COL18A1: variants seen among roughly 807,000 people sequenced by gnomAD.
The protein encoded by COL18A1 is collagen type XVIII alpha 1 chain.
In COL18A1, 133 loss-of-function variants were observed where a neutral mutation model predicts 168.0. The observed-to-expected ratio is 0.79, with a 90% CI of 0.69 to 0.91. COL18A1 has a LOEUF of 0.91. Among genes scored for constraint, COL18A1 ranks in the 40% least tolerant of loss-of-function variants. COL18A1 has a pLI of 0.00. For missense variants in COL18A1, 2,126 were observed against 1,925.4 expected (o/e 1.10, Z -1.95); for synonymous variants, 949 against 809.0 (o/e 1.17, Z -2.94).
At chr21:45,447,834 T>A (rs2034536244) in intron 2 of COL18A1, among the ~76,000 whole-genome samples, 1 of 152,092 alleles carries the variant, frequency 6.6e-6, no homozygotes, top group Non-Finnish European at 1.5e-5. Context: ...CTCAGTGAAC[T>A]TTATCACATC....
chr21:45,509,164 C>T (rs554796782), intron 38 of COL18A1, among the ~76,000 whole-genome samples, 192 bp from the exon 39 acceptor site: 3 of 152,188 alleles, frequency 2.0e-5, no homozygotes, highest in East Asian at 3.9e-4. Flanking sequence ...CGCGATCCGG[C>T]GCCACGGCAG....
At position 45,477,878 on chromosome 21, in the gene COL18A1, A is replaced by T; in HGVS notation, c.1134A>T (p.Ala378=). 5 of 1,557,796 alleles carry T rather than the reference A, an allele frequency of 3.2e-6. No individual in the cohort carries two copies. Among genetic ancestry groups the T allele is most frequent in the Non-Finnish European group, 4.3e-6 (5 of 1,150,722 alleles). The part of the protein sequence containing the change: ...LPCPVSPLGP[A]GPALQTVPGP... ...GCCCAGTGAGTCCCCTGGGTCCTGC[A>T]GGCCCAGCGTTGCAAACTGTCCCCG... The change falls in exon 8 of 42, where the codon GCA becomes GCT. Residue 378 remains alanine, a synonymous_variant. Transcript: ENST00000651438.
chr21:45,456,670 C>T (rs1179422104), intron 2 of COL18A1: 1 of 1,532,868 alleles, frequency 6.5e-7, no homozygotes. Flanking sequence ...TGCAGACGCA[C>T]TGCCACCCCT....
chr21:45,468,931 C>A, intron 3 of COL18A1, 145 bp downstream of exon 3: 1 of 875,290 alleles, frequency 1.1e-6, no homozygotes, highest in Non-Finnish European at 1.7e-6. Context: ...CCAGCGCAGG[C>A]CTCCTGGGTT....
chr21:45,500,412 TGTGTG>T (rs1365883926), intron 32 of COL18A1, among the ~76,000 whole-genome samples: 2 of 108,600 alleles, frequency 1.8e-5, no homozygotes, highest in South Asian at 6.9e-4. Flanking sequence ...GGGTGTTGGG[TGTGTG>T]GTGTGGGGTG....
At position 45,482,149 on chromosome 21, in the gene COL18A1, A is replaced by G. The variant is rs73370812; in HGVS notation, c.1674+124A>G. On this transcript the variant is annotated intron_variant, in intron 14 of 41. Coordinates refer to ENST00000651438, the MANE Select transcript of COL18A1 (RefSeq NM_001379500.1). ...AGGAATAGCCCCCCATCACAGCCCC[A>G]CAGCCTGGGGCCTCGCGCTCTGGAG... 3,361 of 760,754 alleles carry G rather than the reference A, an allele frequency of 4.4e-3. 96 individuals carry two copies. In the African/African-American group the frequency reaches 0.052, roughly 12 times the overall value. 47.1% of individuals were successfully genotyped at this position (760,754 alleles called of 1,614,324 possible).
At chr21:45,489,689 C>A (rs377238823) in intron 19 of COL18A1, among the ~76,000 whole-genome samples, 168 bp downstream of exon 19, 178 of 152,086 alleles carry the variant, frequency 1.2e-3, no homozygotes, top group African/African-American at 4.1e-3. Flanking sequence ...CCAGGATACC[C>A]ACCTGCAGGG....
At chr21:45,428,902 TC>T (rs2033879534) in intron 2 of COL18A1, among the ~76,000 whole-genome samples, 1 of 145,164 alleles carries the variant, frequency 6.9e-6, no homozygotes, top group Non-Finnish European at 1.5e-5. Context: ...TTCTTTCTTT[TC>T]TTTTTTTTTT....
intron 2 of COL18A1, among the ~76,000 whole-genome samples, chr21:45,428,786 ATTCATCCCTT>A (rs928898426): frequency 2.0e-5 from 3 of 152,080 alleles, no homozygotes; most frequent in African/African-American, 7.2e-5. Flanking sequence ...CAGACCCACA[ATTCATCCCTT>A]TTCATGGGTG....
At chr21:45,469,631 C>A (rs1269790090) in intron 3 of COL18A1, among the ~76,000 whole-genome samples, 2 of 152,324 alleles carry the variant, frequency 1.3e-5, no homozygotes, top group Non-Finnish European at 2.9e-5. Flanking sequence ...TTTCTGGGAA[C>A]CTTTGGCTGG....
intron 6 of COL18A1, among the ~76,000 whole-genome samples, chr21:45,477,164 G>A (rs2035705565): frequency 6.6e-6 from 1 of 152,200 alleles, no homozygotes; most frequent in South Asian, 2.1e-4. Flanking sequence ...GCATCTCCCA[G>A]ACTTCAGCTG....
intron 18 of COL18A1, among the ~76,000 whole-genome samples, chr21:45,489,052 A>G (rs1459931448): frequency 6.6e-6 from 1 of 152,186 alleles, no homozygotes; most frequent in Non-Finnish European, 1.5e-5. Context: ...CCAAGGGCGC[A>G]CGGGGCCCAC....
intron 37 of COL18A1, chr21:45,506,293 G>A (rs1047346032): frequency 5.3e-6 from 2 of 378,292 alleles, no homozygotes; most frequent in Admixed American, 3.7e-5. Context: ...GACGGGACGA[G>A]GCGGCAGGGG....
intron 2 of COL18A1, among the ~76,000 whole-genome samples, chr21:45,444,631 G>A (rs982975334): frequency 6.6e-6 from 1 of 152,148 alleles, no homozygotes; most frequent in African/African-American, 2.4e-5. Context: ...CCTGGGTCGT[G>A]CAGGGCGAGA....
intron 2 of COL18A1, 76 bp from the exon 3 acceptor site, chr21:45,468,166 T>C: frequency 6.6e-7 from 1 of 1,515,584 alleles, no homozygotes; most frequent in African/African-American, 1.4e-5. Context: ...CCTGCCTGGC[T>C]GCCTCTCCAG....
chr21:45,513,043 C>T lies in COL18A1; in HGVS notation c.*645C>T, dbSNP rs2146162922. The stretch of plus-strand genomic sequence containing the variant: ...ACTGTGACCCCCAGCTCCGGCCTGT[C>T]CTCCAACACCAAGCACAGCAGCCTG... On this transcript the variant is annotated 3_prime_UTR_variant, in exon 42 of 42. Transcript: ENST00000651438. 1 of 156,668 alleles carries T rather than the reference C, an allele frequency of 6.4e-6. No individual in the cohort carries two copies. Among genetic ancestry groups the T allele is most frequent in the South Asian group, 1.9e-4 (1 of 5,200 alleles). 9.7% of individuals were successfully genotyped at this position (156,668 alleles called of 1,614,324 possible).
At position 45,477,435 on chromosome 21, in the gene COL18A1, C is replaced by G; in HGVS notation, c.953C>G (p.Ser318Cys). 1 of 1,613,220 alleles carries G rather than the reference C, an allele frequency of 6.2e-7. No individual in the cohort carries two copies. The highest frequency in any genetic ancestry group is 8.5e-7 in the Non-Finnish European group (1 of 1,179,682). Reference sequence around the variant, plus strand: ...GCTCAGACACTTCCTGGCTCAGATTCTGTCTCCACGTGGGACGGGAGTGTC... The same window carrying G: ...GCTCAGACACTTCCTGGCTCAGATTGTGTCTCCACGTGGGACGGGAGTGTC... ...LGAQTLPGSD[S>C]VSTWDGSVRT... The change falls in exon 7 of 42, where the codon TCT becomes TGT. Residue 318 changes from serine (S) to cysteine (C), a missense_variant. By Grantham distance (112) the Ser-to-Cys change is moderately radical. Coordinates refer to ENST00000651438, the MANE Select transcript of COL18A1 (RefSeq NM_001379500.1).
At chr21:45,458,993 TG>T (rs1377769942) in intron 2 of COL18A1, among the ~76,000 whole-genome samples, 1 of 152,170 alleles carries the variant, frequency 6.6e-6, no homozygotes, top group South Asian at 2.1e-4. Context: ...CACAGCCTGA[TG>T]GGGACTTTTC....
chr21:45,409,105 G>A (rs1012337990), intron 2 of COL18A1, among the ~76,000 whole-genome samples: 1 of 151,448 alleles, frequency 6.6e-6, no homozygotes. Context: ...ACTGGACCAT[G>A]CAGAGAAGGG....
Sources: allele counts gnomAD v4.1 joint callset (sites outside exome capture counted in the v4.1 genomes callset), GRCh38; gene constraint gnomAD v4.1.1; transcripts MANE v1.5; gene names NCBI Gene and HGNC (gene_info 2026-07-23, HGNC 2026-07-21).